Variants in TRIM55 observed in about 807,000 individuals in gnomAD.
The protein encoded by TRIM55 is tripartite motif-containing protein 55.
Under a neutral mutation model 60.9 loss-of-function variants are expected in TRIM55, and 50 were observed. That is an observed-to-expected ratio of 0.82 (90% CI 0.65 to 1.04). The LOEUF (loss-of-function observed/expected upper bound fraction) is 1.04, where lower values mean the gene tolerates loss of function less well. TRIM55 is among the 50% of genes least tolerant of loss of function. TRIM55 has a pLI of 0.00. For missense variants in TRIM55, 681 were observed against 666.9 expected, an observed-to-expected ratio of 1.02 and a Z score of -0.23; for synonymous variants, 237 against 238.1, an observed-to-expected ratio of 1.00 and a Z score of 0.04.
the TRIM55 span, among the ~76,000 whole-genome samples, chr8:66,118,791 GA>G: frequency 6.6e-6 from 1 of 152,164 alleles, no homozygotes; most frequent in Non-Finnish European, 1.5e-5. Context: ...CTGGTGCTTG[GA>G]ACACCAGCTC....
At chr8:66,147,516 G>T (rs1024748750) in intron 4 of TRIM55, among the ~76,000 whole-genome samples, 1 of 152,022 alleles carries the variant, frequency 6.6e-6, no homozygotes, top group East Asian at 1.9e-4. Flanking sequence ...AATCTATTCC[G>T]CCAGGATTGG....
chr8:66,136,265 G>A (rs926876020), intron 3 of TRIM55, among the ~76,000 whole-genome samples: 3 of 152,138 alleles, frequency 2.0e-5, no homozygotes, highest in Non-Finnish European at 4.4e-5. Context: ...GAACAGACTG[G>A]TGGGACCCTC....
At chr8:66,114,159 A>G in the TRIM55 span, among the ~76,000 whole-genome samples, 1 of 146,132 alleles carries the variant, frequency 6.8e-6, no homozygotes, top group Non-Finnish European at 1.5e-5. Context: ...CCTTCTCTAA[A>G]GGAACAGATA....
chr8:66,128,220 T>C (rs536857565), intron 1 of TRIM55, 84 bp from the exon 2 acceptor site: 46 of 1,281,480 alleles, frequency 3.6e-5, no homozygotes, highest in South Asian at 4.5e-5. Context: ...TCATGTTGTT[T>C]GTAGTAGCAG....
intron 9 of TRIM55, among the ~76,000 whole-genome samples, chr8:66,159,676 C>T (rs1009297934): frequency 6.6e-6 from 1 of 152,200 alleles, no homozygotes; most frequent in African/African-American, 2.4e-5. Context: ...AGAGCTCTAC[C>T]TACTCTACGT....
intron 4 of TRIM55, among the ~76,000 whole-genome samples, chr8:66,148,790 T>C (rs1447195056): frequency 6.6e-6 from 1 of 152,202 alleles, no homozygotes; most frequent in Non-Finnish European, 1.5e-5. Context: ...GGCTCACGCC[T>C]GTAATCCCAG....
At chr8:66,159,240 A>C (rs2128983611) in intron 9 of TRIM55, among the ~76,000 whole-genome samples, 1 of 152,266 alleles carries the variant, frequency 6.6e-6, no homozygotes. Flanking sequence ...TTTGATTGTC[A>C]TTGTAGTTCT....
intron 9 of TRIM55, among the ~76,000 whole-genome samples, chr8:66,168,172 C>T (rs1811427916): frequency 6.6e-6 from 1 of 152,184 alleles, no homozygotes; most frequent in Admixed American, 6.5e-5. Flanking sequence ...ACCTTGATTG[C>T]TCTGTCCCAA....
the TRIM55 span, among the ~76,000 whole-genome samples, chr8:66,119,143 G>C: frequency 1.3e-5 from 2 of 152,174 alleles, no homozygotes; most frequent in African/African-American, 4.8e-5. Flanking sequence ...CTGACTCTCT[G>C]CCTCCACATC....
Position 66,172,038 on chromosome 8 carries a change from A to G in TRIM55, c.1525-2433A>G, listed in dbSNP as rs573541691. Among the ~76,000 whole-genome samples the G allele has an allele frequency of 2.8e-4, 42 of 152,042 alleles. No homozygotes were observed. The East Asian group carries it at 5.8e-3, about 21-fold the overall frequency. ...TTCTGCATGGCAGAGGAGCCTCTTC[A>G]CTGTTGAAAGAAAGGAGGGGGGAAG... is the stretch of plus-strand genomic sequence containing the variant. On this transcript the variant is annotated intron_variant, in intron 9 of 9. Coordinates refer to ENST00000315962, the MANE Select transcript of TRIM55 (RefSeq NM_184085.2).
the TRIM55 span, among the ~76,000 whole-genome samples, chr8:66,118,552 A>G: frequency 2.0e-5 from 3 of 152,228 alleles, no homozygotes; most frequent in African/African-American, 7.2e-5. Flanking sequence ...GTCATGGGTC[A>G]AGTCCTCAGT....
chr8:66,133,437 G>A (rs548277843), intron 2 of TRIM55, among the ~76,000 whole-genome samples: 1 of 151,912 alleles, frequency 6.6e-6, no homozygotes, highest in South Asian at 2.1e-4. Context: ...TGCCCTTATG[G>A]AGCTGATATT....
At chr8:66,129,170 A>G (rs185813730) in intron 2 of TRIM55, among the ~76,000 whole-genome samples, 64 of 152,376 alleles carry the variant, frequency 4.2e-4, no homozygotes, top group Middle Eastern at 6.8e-3. Context: ...AGCATTATAT[A>G]TCTATCCATT....
chr8:66,139,023 G>A (rs532158807), intron 4 of TRIM55, among the ~76,000 whole-genome samples: 20 of 152,106 alleles, frequency 1.3e-4, no homozygotes, highest in Admixed American at 9.2e-4. Flanking sequence ...TCATATTCCT[G>A]AAAAGATCCA....
At chr8:66,132,799 T>C (rs972264091) in intron 2 of TRIM55, among the ~76,000 whole-genome samples, 1 of 150,830 alleles carries the variant, frequency 6.6e-6, no homozygotes, top group Admixed American at 6.6e-5. Flanking sequence ...GGGGCTGGGC[T>C]ACAACCTAAA....
At chr8:66,129,382 T>C (rs1179867459) in intron 2 of TRIM55, among the ~76,000 whole-genome samples, 1 of 152,208 alleles carries the variant, frequency 6.6e-6, no homozygotes. Context: ...CTCATTGTGA[T>C]TCCATTAGGG....
At chr8:66,113,362 A>C in the TRIM55 span, 2 of 376,440 alleles carry the variant, frequency 5.3e-6, no homozygotes, top group Non-Finnish European at 1.1e-5. Flanking sequence ...ACACACGTAC[A>C]CGTCCCTTCG....
At chr8:66,158,148 C>CACACAA (rs1810852072) in intron 9 of TRIM55, among the ~76,000 whole-genome samples, 1 of 32,178 alleles carries the variant, frequency 3.1e-5, no homozygotes, top group Non-Finnish European at 6.9e-5. Flanking sequence ...CCACCACACA[C>CACACAA]ACACACACAC....
chr8:66,156,391 C>A (rs554043726), intron 9 of TRIM55, among the ~76,000 whole-genome samples: 179 of 152,254 alleles, frequency 1.2e-3, no homozygotes, highest in African/African-American at 4.3e-3. Context: ...GGAATTAGAA[C>A]CAAGAACTAA....
Sources: allele counts gnomAD v4.1 joint callset (sites outside exome capture counted in the v4.1 genomes callset), GRCh38; gene constraint gnomAD v4.1.1; transcripts MANE v1.5; gene names NCBI Gene and HGNC (gene_info 2026-07-23, HGNC 2026-07-21).